ADAMTSL1: variants seen among roughly 807,000 people sequenced by gnomAD.
ADAMTSL1 encodes ADAMTS-like protein 1.
A neutral mutation model predicts 201.8 loss-of-function variants in ADAMTSL1; 126 were observed. The ratio of observed to expected loss-of-function variants is 0.62; its 90% CI spans 0.54 to 0.72. The LOEUF is 0.72. Among genes scored for constraint, ADAMTSL1 ranks in the 30% least tolerant of loss-of-function variants. The pLI is 0.00. For missense variants in ADAMTSL1, 2,679 were observed against 2,277.8 expected (o/e 1.18, Z -3.59); for synonymous variants, 1,121 against 903.4 (o/e 1.24, Z -4.32).
chr9:17,962,484 C>G (rs902684096), intron 1 of ADAMTSL1, among the ~76,000 whole-genome samples: 2 of 152,126 alleles, frequency 1.3e-5, no homozygotes, highest in Non-Finnish European at 2.9e-5. Flanking sequence ...CCTTACACAA[C>G]CAATGTTAGA....
At chr9:17,913,899 G>A (rs1288312637) in intron 1 of ADAMTSL1, among the ~76,000 whole-genome samples, 2 of 152,232 alleles carry the variant, frequency 1.3e-5, no homozygotes, top group East Asian at 1.9e-4. Flanking sequence ...ACACCTCTAC[G>A]CAAATAAACT....
intron 1 of ADAMTSL1, among the ~76,000 whole-genome samples, chr9:17,929,788 G>C (rs1423676170): frequency 6.6e-6 from 1 of 152,144 alleles, no homozygotes; most frequent in African/African-American, 2.4e-5. Context: ...GATGGCTTCT[G>C]TCATTATTTC....
intron 7 of ADAMTSL1, among the ~76,000 whole-genome samples, chr9:18,646,971 T>C (rs996021036): frequency 7.9e-5 from 12 of 152,124 alleles, no homozygotes; most frequent in African/African-American, 2.4e-4. Context: ...ATGGTACCAG[T>C]TCCTCCTTGT....
intron 23 of ADAMTSL1, among the ~76,000 whole-genome samples, chr9:18,881,528 G>A (rs766496094): frequency 1.3e-4 from 20 of 152,250 alleles, no homozygotes; most frequent in South Asian, 2.1e-4. Flanking sequence ...CTTTTTATAT[G>A]AGCATGGTTC....
At chr9:17,979,753 C>T (rs1818611430) in intron 1 of ADAMTSL1, among the ~76,000 whole-genome samples, 1 of 152,064 alleles carries the variant, frequency 6.6e-6, no homozygotes, top group Non-Finnish European at 1.5e-5. Context: ...GTACCTCTTT[C>T]AGGAGTTCCA....
chr9:18,408,904 T>C (rs1227285316), intron 2 of ADAMTSL1, among the ~76,000 whole-genome samples: 1 of 152,132 alleles, frequency 6.6e-6, no homozygotes, highest in African/African-American at 2.4e-5. Flanking sequence ...AAATATAATA[T>C]AGGATCATAT....
At chr9:18,646,087 C>G (rs938538983) in intron 7 of ADAMTSL1, among the ~76,000 whole-genome samples, 7 of 151,846 alleles carry the variant, frequency 4.6e-5, no homozygotes, top group African/African-American at 7.3e-5. Flanking sequence ...TGTAGTTCTC[C>G]TTGAAGAGGT....
At position 18,777,080 on chromosome 9, in the gene ADAMTSL1, C is replaced by G; in HGVS notation, c.2851C>G (p.Pro951Ala). The G allele has an allele frequency of 1.2e-6, 2 of 1,613,302 alleles. No individual in the cohort carries two copies. The highest frequency in any genetic ancestry group is 1.7e-6 in the Non-Finnish European group (2 of 1,179,812). The change falls in exon 19 of 29, where the codon CCG (proline) becomes GCG (alanine). Residue 951 changes from proline (P) to alanine (A), a missense_variant. Coordinates refer to ENST00000380548, the MANE Select transcript of ADAMTSL1 (RefSeq NM_001040272.6). ...AGGCGTCTACACCTGCTCAGCGGGC[C>G]CGGCCCGGGAGCACTTTGTGATTAA... ...DAGVYTCSAG[P>A]AREHFVIKLI...
At chr9:18,798,273 T>C (rs1157706421) in intron 20 of ADAMTSL1, among the ~76,000 whole-genome samples, 6 of 152,158 alleles carry the variant, frequency 3.9e-5, no homozygotes, top group African/African-American at 1.4e-4. Flanking sequence ...TCTGGAGCCT[T>C]AGGGTCTAGG....
chr9:18,597,328 C>T (rs1824334865), intron 4 of ADAMTSL1, among the ~76,000 whole-genome samples: 1 of 152,182 alleles, frequency 6.6e-6, no homozygotes, highest in African/African-American at 2.4e-5. Flanking sequence ...AATTTGGGAT[C>T]TGCTGCCATC....
intron 2 of ADAMTSL1, among the ~76,000 whole-genome samples, chr9:18,169,607 G>A (rs991390532): frequency 1.5e-4 from 23 of 152,144 alleles, no homozygotes; most frequent in South Asian, 4.2e-4. Flanking sequence ...TTGGCGATGC[G>A]GGCTCTTTTT....
intron 11 of ADAMTSL1, 122 bp from the exon 12 acceptor site, chr9:18,681,690 C>A: frequency 2.8e-6 from 1 of 356,244 alleles, no homozygotes. Context: ...TACCAGGAGT[C>A]CTCGTGTGGG....
At chr9:18,247,858 T>C (rs1483256786) in intron 2 of ADAMTSL1, among the ~76,000 whole-genome samples, 1 of 151,846 alleles carries the variant, frequency 6.6e-6, no homozygotes, top group Non-Finnish European at 1.5e-5. Flanking sequence ...CTAGGAGGCC[T>C]TGCATGCCTG....
Position 18,618,925 on chromosome 9 carries a change from G to A in ADAMTSL1, c.475-3318G>A, listed in dbSNP as rs138067862. 3.0e-3 allele frequency among the ~76,000 whole-genome samples: 454 copies of A among 152,230 alleles called. 2 individuals are homozygous for A. The highest frequency in any genetic ancestry group is 9.7e-3 in the African/African-American group (403 of 41,548). On this transcript the variant is annotated intron_variant, in intron 4 of 28. Transcript: ENST00000380548. ...CAGTACAAGAAAAATAAGAGAAGAT[G>A]GATATTTGATGACAACCAGAAACCT... is the stretch of plus-strand genomic sequence containing the variant.
intron 1 of ADAMTSL1, among the ~76,000 whole-genome samples, chr9:18,034,863 C>G (rs186457690): frequency 4.5e-4 from 69 of 152,224 alleles, no homozygotes; most frequent in African/African-American, 1.5e-3. Context: ...CGTCTCTGAG[C>G]TGAATATTTC....
rs1832305818 is a variant in ADAMTSL1 at position 18,270,318 on chromosome 9, C to A, written c.207+106337C>A. 2.0e-5 allele frequency among the ~76,000 whole-genome samples: 3 copies of A among 152,144 alleles called. No individual in the cohort carries two copies. In the South Asian group the frequency reaches 6.2e-4, roughly 32 times the overall value. On this transcript the variant is annotated intron_variant, in intron 2 of 29. Transcript: ENST00000680146. Reference sequence around the variant, plus strand: ...TCATGATTTAATCACTCCCCAATACCATCATCGAGAGGGTTAGTATTTCAG... The same window carrying A: ...TCATGATTTAATCACTCCCCAATACAATCATCGAGAGGGTTAGTATTTCAG...
At chr9:18,100,505 C>G (rs1281493604) in intron 1 of ADAMTSL1, among the ~76,000 whole-genome samples, 1 of 152,134 alleles carries the variant, frequency 6.6e-6, no homozygotes, top group African/African-American at 2.4e-5. Context: ...CTTGCATCAG[C>G]GTAGTTTTTC....
chr9:18,795,341 G>A (rs1822346039), intron 19 of ADAMTSL1, 56 bp from the exon 20 acceptor site: 10 of 1,604,728 alleles, frequency 6.2e-6, no homozygotes, highest in African/African-American at 1.3e-5. Flanking sequence ...AATATTGAAT[G>A]CCAAAAAGGA....
intron 1 of ADAMTSL1, among the ~76,000 whole-genome samples, chr9:18,093,868 G>A (rs1466988297): frequency 1.3e-5 from 2 of 152,118 alleles, no homozygotes; most frequent in Non-Finnish European, 2.9e-5. Context: ...ATGAGGACAG[G>A]GCTCACTAGT....
Sources: gnomAD v4.1 joint callset for allele counts (sites outside exome capture counted in the v4.1 genomes callset) on GRCh38, gnomAD v4.1.1 for gene constraint, MANE v1.5 for transcripts, NCBI Gene and HGNC (gene_info 2026-07-23, HGNC 2026-07-21) for gene names.